The following CRIPTO3 variants were observed in gnomAD, a reference collection of about 807,000 sequenced individuals.
CRIPTO3 encodes cripto, EGF-CFC family member 3.
chrX:110,521,504 C>T, the CRIPTO3 span: 1 of 1,211,021 alleles, frequency 8.3e-7, no homozygotes, highest in Non-Finnish European at 1.1e-6. Flanking sequence ...CCTGGCTGCC[C>T]AAGAAGTGTT....
the CRIPTO3 span, chrX:110,522,440 G>A: frequency 8.9e-6 from 1 of 111,942 alleles, no homozygotes; most frequent in East Asian, 2.8e-4. Context: ...ACATCTTTAA[G>A]GGGAGGAACC....
the CRIPTO3 span, chrX:110,521,327 T>C: frequency 1.2e-5 from 15 of 1,209,462 alleles, no homozygotes; most frequent in Non-Finnish European, 1.5e-5. Flanking sequence ...CTTCCCAGCG[T>C]GTGCTGCCCA....
the CRIPTO3 span, chrX:110,521,459 G>C: frequency 1.7e-6 from 2 of 1,210,216 alleles, no homozygotes; most frequent in African/African-American, 3.5e-5. Flanking sequence ...AGCACGATGT[G>C]CGCAAAGAGA....
chrX:110,521,211 G>A, the CRIPTO3 span: 3 of 1,140,664 alleles, frequency 2.6e-6, no homozygotes, highest in East Asian at 6.0e-5. Flanking sequence ...ACTGGGATTA[G>A]TTGCCGGGCT....
the CRIPTO3 span, chrX:110,521,524 A>G: frequency 1.7e-6 from 2 of 1,209,982 alleles, no homozygotes; most frequent in African/African-American, 3.5e-5. Context: ...TCCCTGTGTA[A>G]ATGCTGGCAC....
chrX:110,520,918 G>A, the CRIPTO3 span: 2 of 424,620 alleles, frequency 4.7e-6, no homozygotes, highest in African/African-American at 5.0e-5. Flanking sequence ...TCCAGCTCAA[G>A]GTCAAAACGT....
the CRIPTO3 span, chrX:110,521,177 C>T: frequency 9.0e-7 from 1 of 1,115,714 alleles, no homozygotes; most frequent in South Asian, 1.8e-5. Flanking sequence ...TGATTTGGAT[C>T]ATGGCCATTT....
chrX:110,521,428 CCTT>C, the CRIPTO3 span: 6 of 1,210,326 alleles, frequency 5.0e-6, no homozygotes, highest in African/African-American at 8.7e-5. Flanking sequence ...TGCCCTCCCT[CCTT>C]CTACGGACGG....
the CRIPTO3 span, chrX:110,521,324 G>A: frequency 2.5e-6 from 3 of 1,208,785 alleles, no homozygotes; most frequent in African/African-American, 1.7e-5. Context: ...GGTCTTCCCA[G>A]CGTGTGCTGC....
the CRIPTO3 span, chrX:110,521,928 G>A: frequency 2.3e-6 from 1 of 443,803 alleles, no homozygotes; most frequent in Non-Finnish European, 3.9e-6. Context: ...AAGAAAGTCA[G>A]CCATATCTCC....
chrX:110,521,052 T>A, the CRIPTO3 span: 1 of 887,042 alleles, frequency 1.1e-6, no homozygotes, highest in Admixed American at 2.2e-5. Flanking sequence ...GAGATGAATG[T>A]TTTCCTTTGG....
chrX:110,521,842 T>C, the CRIPTO3 span: 2 of 534,417 alleles, frequency 3.7e-6, no homozygotes. Flanking sequence ...AAACGGTCTC[T>C]AACATTTCCT....
At chrX:110,521,961 CTTT>C in the CRIPTO3 span, 3 of 357,723 alleles carry the variant, frequency 8.4e-6, no homozygotes, top group Admixed American at 4.8e-5. Context: ...TCCAGTGTTT[CTTT>C]TTTTTTTTTG....
At chrX:110,521,487 C>G in the CRIPTO3 span, 7 of 1,209,032 alleles carry the variant, frequency 5.8e-6, no homozygotes, top group African/African-American at 1.0e-4. Flanking sequence ...GTCTGTGCCC[C>G]ATGACACCTG....
At chrX:110,521,687 C>G in the CRIPTO3 span, 15 of 1,191,308 alleles carry the variant, frequency 1.3e-5, no homozygotes, top group Non-Finnish European at 1.7e-5. Context: ...CTATACAAAG[C>G]TACTATTAAT....
the CRIPTO3 span, chrX:110,522,367 A>G: frequency 1.8e-5 from 2 of 113,412 alleles, no homozygotes; most frequent in African/African-American, 6.5e-5. Flanking sequence ...TGGACCTTAG[A>G]ATACAGTTTT....
chrX:110,522,052 T>G, the CRIPTO3 span: 1 of 374,340 alleles, frequency 2.7e-6, no homozygotes, highest in Admixed American at 5.1e-5. Context: ...GCATCCGGGG[T>G]TCAAGCCATT....
the CRIPTO3 span, chrX:110,521,454 G>A: frequency 8.3e-7 from 1 of 1,210,005 alleles, no homozygotes; most frequent in Admixed American, 2.2e-5. Context: ...CTGTGAGCAC[G>A]ATGTGCGCAA....
chrX:110,521,485 C>T, the CRIPTO3 span: 1 of 1,210,326 alleles, frequency 8.3e-7, no homozygotes, highest in South Asian at 1.8e-5. Context: ...GGGTCTGTGC[C>T]CCATGACACC....
Sources: gnomAD v4.1 joint callset for allele counts on GRCh38, gnomAD v4.1.1 for gene constraint, MANE v1.5 for transcripts, NCBI Gene and HGNC (gene_info 2026-07-23, HGNC 2026-07-21) for gene names.